The following ZNF143 variants were observed in gnomAD, a reference collection of about 807,000 sequenced individuals.
ZNF143 encodes the protein zinc finger protein 143.
A neutral mutation model predicts 74.1 loss-of-function variants in ZNF143; 49 were observed. The observed-to-expected ratio is 0.66, with a 90% CI of 0.53 to 0.84. ZNF143 has a LOEUF of 0.84. Among genes scored for constraint, ZNF143 ranks in the 40% least tolerant of loss-of-function variants. The pLI is 0.00. For missense variants in ZNF143, 637 were observed against 793.4 expected, an observed-to-expected ratio of 0.80 and a Z score of 2.37; for synonymous variants, 304 against 282.8, an observed-to-expected ratio of 1.07 and a Z score of -0.75.
chr11:9,522,843 TATATTA>T (rs1469551899), intron 14 of ZNF143, among the ~76,000 whole-genome samples: 1 of 150,992 alleles, frequency 6.6e-6, no homozygotes, highest in East Asian at 1.9e-4. Context: ...ATGGAGAATG[TATATTA>T]ATTTGTCTTT....
chr11:9,473,905 T>A, intron 3 of ZNF143, 36 bp from the exon 4 acceptor site: 1 of 1,613,484 alleles, frequency 6.2e-7, no homozygotes, highest in South Asian at 1.1e-5. Context: ...AAATTTTTGT[T>A]TGTGCCAATT....
intron 7 of ZNF143, among the ~76,000 whole-genome samples, chr11:9,481,785 A>C (rs571241716): frequency 6.7e-6 from 1 of 150,220 alleles, no homozygotes. Flanking sequence ...CTACTTGGGA[A>C]GCTGAGGCAG....
At chr11:9,500,532 C>G (rs898694574) in intron 10 of ZNF143, among the ~76,000 whole-genome samples, 2 of 152,092 alleles carry the variant, frequency 1.3e-5, no homozygotes, top group Non-Finnish European at 2.9e-5. Flanking sequence ...CTCTTGAGTT[C>G]AAGCGATTCT....
rs1324547135 is a variant in ZNF143, at chr11:9,512,569, A to G, written c.1497A>G (p.Thr499=). 2.5e-6 allele frequency: 4 copies of G among 1,614,114 alleles called. No individual in the cohort carries two copies. Among genetic ancestry groups the G allele is most frequent in the African/African-American group, 1.3e-5 (1 of 74,944 alleles). ...AATCTGGACTGAGTCAACAAGTTAC[A>G]CTCATATCCCAGGATGGGACTCAGC... ...VTQSGLSQQV[T]LISQDGTQHV... is the part of the protein sequence containing the mutation. Residue 499 remains threonine, a synonymous_variant, in exon 13 of 16, where the codon ACA becomes ACG. Transcript: ENST00000396602.
chr11:9,510,129 T>A (rs1037276959), intron 12 of ZNF143, among the ~76,000 whole-genome samples: 6 of 151,364 alleles, frequency 4.0e-5, no homozygotes, highest in Non-Finnish European at 7.4e-5. Context: ...TCTTTTTTTT[T>A]TTTTTTTATT....
intron 9 of ZNF143, among the ~76,000 whole-genome samples, chr11:9,496,751 C>T (rs796240598): frequency 3.3e-5 from 5 of 152,076 alleles, no homozygotes; most frequent in African/African-American, 1.2e-4. Context: ...CGCTCGTCAT[C>T]ATGCCCGGCT....
intron 3 of ZNF143, among the ~76,000 whole-genome samples, chr11:9,473,316 G>A (rs998768352): frequency 1.3e-5 from 2 of 151,484 alleles, no homozygotes; most frequent in Admixed American, 6.6e-5. Flanking sequence ...GCTTGAACCC[G>A]GGAGGCAGAG....
chr11:9,465,871 C>CAGGAGT (rs1471352305), intron 1 of ZNF143, among the ~76,000 whole-genome samples: 1 of 151,976 alleles, frequency 6.6e-6, no homozygotes, highest in Admixed American at 6.6e-5. Context: ...GTTTCCCAGG[C>CAGGAGT]AGGAGTACAG....
At chr11:9,483,092 C>T (rs1321398530) in intron 7 of ZNF143, among the ~76,000 whole-genome samples, 1 of 150,786 alleles carries the variant, frequency 6.6e-6, no homozygotes, top group East Asian at 1.9e-4. Flanking sequence ...CTGCTGGGTT[C>T]AAATGATTCT....
At chr11:9,465,801 T>C (rs1297609282) in intron 1 of ZNF143, among the ~76,000 whole-genome samples, 1 of 151,362 alleles carries the variant, frequency 6.6e-6, no homozygotes, top group East Asian at 1.9e-4. Flanking sequence ...CAAGGAAAAG[T>C]TTTTTGTTTT....
chr11:9,512,169 A>C (rs1050998639), intron 12 of ZNF143, among the ~76,000 whole-genome samples: 18 of 152,154 alleles, frequency 1.2e-4, no homozygotes, highest in African/African-American at 4.3e-4. Context: ...TATAGTATCA[A>C]GTAATTACTC....
chr11:9,502,241 CTTTTTTTTTTTTTT>C (rs1183629630), intron 11 of ZNF143, among the ~76,000 whole-genome samples: 1 of 56,968 alleles, frequency 1.8e-5, no homozygotes. Flanking sequence ...TGGCCATATT[CTTTTTTTTTTTTTT>C]TTTTTTTTTT....
At chr11:9,519,072 T>C (rs938828273) in intron 14 of ZNF143, among the ~76,000 whole-genome samples, 1 of 152,220 alleles carries the variant, frequency 6.6e-6, no homozygotes, top group African/African-American at 2.4e-5. Flanking sequence ...CAATGAGTTA[T>C]GTTAAATATG....
At chr11:9,487,265 C>CCA (rs1847595918) in intron 7 of ZNF143, among the ~76,000 whole-genome samples, 1 of 151,622 alleles carries the variant, frequency 6.6e-6, no homozygotes, top group Admixed American at 6.6e-5. Flanking sequence ...CAGCACCTGG[C>CCA]CACAGTATGT....
chr11:9,523,786 G>A (rs1301440962), intron 14 of ZNF143, among the ~76,000 whole-genome samples: 1 of 151,698 alleles, frequency 6.6e-6, no homozygotes. Flanking sequence ...GGGGGCTCAC[G>A]TCTGTAATCC....
chr11:9,486,449 ATATAT>A (rs1456910375), intron 7 of ZNF143, among the ~76,000 whole-genome samples: 1 of 70,290 alleles, frequency 1.4e-5, no homozygotes, highest in South Asian at 3.6e-4. Flanking sequence ...AATATATTAT[ATATAT>A]TATATATATA....
chr11:9,466,792 T>C (rs954772829), intron 1 of ZNF143, among the ~76,000 whole-genome samples: 1 of 152,086 alleles, frequency 6.6e-6, no homozygotes, highest in Admixed American at 6.6e-5. Flanking sequence ...GCTGACTGTT[T>C]TTAGACTGAA....
At chr11:9,472,849 C>T in intron 3 of ZNF143, 80 bp downstream of exon 3, 1 of 979,506 alleles carries the variant, frequency 1.0e-6, no homozygotes, top group Non-Finnish European at 1.5e-6. Flanking sequence ...AGCTATACCA[C>T]CTTTCCTATG....
intron 7 of ZNF143, among the ~76,000 whole-genome samples, chr11:9,490,051 G>A (rs1847710992): frequency 6.6e-6 from 1 of 151,948 alleles, no homozygotes; most frequent in South Asian, 2.1e-4. Flanking sequence ...GAGTGTGGTG[G>A]TACTCACCTG....
Sources: allele counts gnomAD v4.1 joint callset (sites outside exome capture counted in the v4.1 genomes callset), GRCh38; gene constraint gnomAD v4.1.1; transcripts MANE v1.5; gene names NCBI Gene and HGNC (gene_info 2026-07-23, HGNC 2026-07-21).